The following LTBP1 variants were observed in gnomAD, a reference collection of about 807,000 sequenced individuals.
The protein encoded by LTBP1 is latent transforming growth factor beta binding protein 1, also known as latent-transforming growth factor beta-binding protein 1.
LTBP1 carries 129 observed loss-of-function variants against 207.6 expected under a neutral mutation model. The observed-to-expected ratio is 0.62, with a 90% CI of 0.54 to 0.72. The LOEUF is 0.72. Ranked by LOEUF, LTBP1 falls within the 30% of genes least tolerant of loss-of-function variation. The pLI, the probability that LTBP1 is intolerant of heterozygous loss-of-function variation, is 0.00. For missense variants in LTBP1, 2,281 were observed against 2,217.2 expected (o/e 1.03, Z -0.58); for synonymous variants, 963 against 833.7 (o/e 1.16, Z -2.67).
intron 24 of LTBP1, among the ~76,000 whole-genome samples, chr2:33,323,296 C>T (rs562612580): frequency 1.4e-4 from 22 of 152,176 alleles, no homozygotes; most frequent in South Asian, 4.1e-4. Context: ...TATGGGAACT[C>T]GAAGTACAGT....
At chr2:33,391,138 C>T (rs148601628) in intron 32 of LTBP1, among the ~76,000 whole-genome samples, 2 of 151,160 alleles carry the variant, frequency 1.3e-5, no homozygotes, top group African/African-American at 4.9e-5. Flanking sequence ...TTAAAATGTC[C>T]ATGATAAGAA....
chr2:33,259,344 G>T (rs2092949527), intron 12 of LTBP1, among the ~76,000 whole-genome samples: 1 of 152,214 alleles, frequency 6.6e-6, no homozygotes, highest in Non-Finnish European at 1.5e-5. Context: ...GAAAGAGTTT[G>T]AAAGACTTGT....
rs148113628 is a variant in LTBP1 at position 33,251,113 on chromosome 2, T to C, written c.2000-1564T>C. Among the ~76,000 whole-genome samples, 486 of 152,184 alleles carry C rather than the reference T, an allele frequency of 3.2e-3. 3 individuals are homozygous for C. Among genetic ancestry groups the C allele is most frequent in the African/African-American group, 0.011 (462 of 41,522 alleles). On this transcript the variant is annotated intron_variant, in intron 10 of 33. Transcript: ENST00000404816. ...CCCTCGGGCCCAAAGACAAACACAT[T>C]TGGCCCACCTCTGCTACTACTGGGG...
intron 19 of LTBP1, among the ~76,000 whole-genome samples, chr2:33,288,854 CAAAA>C (rs200975631): frequency 2.7e-5 from 2 of 73,056 alleles, no homozygotes; most frequent in Non-Finnish European, 5.5e-5. Flanking sequence ...GACTCTGTCT[CAAAA>C]AAAAAAAAAA....
intron 2 of LTBP1, among the ~76,000 whole-genome samples, chr2:32,999,101 A>G (rs902843440): frequency 1.3e-5 from 2 of 152,280 alleles, no homozygotes; most frequent in South Asian, 2.1e-4. Flanking sequence ...GTTGCTTCCT[A>G]AAGTTTGAGA....
intron 3 of LTBP1, among the ~76,000 whole-genome samples, chr2:33,027,110 C>T (rs989338337): frequency 6.6e-6 from 1 of 152,162 alleles, no homozygotes; most frequent in Non-Finnish European, 1.5e-5. Context: ...TATTATACCA[C>T]CAATGCTTAC....
At chr2:33,087,629 C>A (rs2078840128) in intron 3 of LTBP1, among the ~76,000 whole-genome samples, 1 of 152,184 alleles carries the variant, frequency 6.6e-6, no homozygotes, top group Non-Finnish European at 1.5e-5. Flanking sequence ...GTCCTGCCCC[C>A]AGCTTCAATC....
At chr2:33,364,459 G>A in intron 30 of LTBP1, 103 bp downstream of exon 30, 2 of 1,194,948 alleles carry the variant, frequency 1.7e-6, no homozygotes, top group African/African-American at 1.5e-5. Context: ...GGATTCCTTG[G>A]GTATTTTGAA....
In LTBP1 at chr2:33,296,621, G is replaced by T. The variant is rs552801346; in HGVS notation, c.3235+3339G>T. ...TACCACTGTCTTGCTCTTGGCTGTTGCCATCCCAGCTGAGCCTGGGAAAGA... is the reference window on the plus strand; with the variant it reads ...TACCACTGTCTTGCTCTTGGCTGTTTCCATCCCAGCTGAGCCTGGGAAAGA... On this transcript the variant is annotated intron_variant, in intron 20 of 33. Coordinates refer to ENST00000404816, the MANE Select transcript of LTBP1 (RefSeq NM_206943.4). Among the ~76,000 whole-genome samples the T allele has an allele frequency of 5.8e-4, 88 of 152,228 alleles. 3 individuals carry two copies. The South Asian group carries it at 0.017, about 29-fold the overall frequency.
intron 4 of LTBP1, among the ~76,000 whole-genome samples, chr2:33,118,489 G>T (rs966995756): frequency 3.3e-5 from 5 of 152,350 alleles, no homozygotes; most frequent in Admixed American, 6.5e-5. Context: ...CCTTGAGCCA[G>T]TTTCCCAACT....
At chr2:33,126,922 C>T (rs1213300035) in intron 4 of LTBP1, among the ~76,000 whole-genome samples, 1 of 152,158 alleles carries the variant, frequency 6.6e-6, no homozygotes, top group Non-Finnish European at 1.5e-5. Flanking sequence ...TTTAAAATGC[C>T]AATTTTCTAT....
chr2:33,330,179 C>A (rs2094477065), intron 24 of LTBP1, among the ~76,000 whole-genome samples: 1 of 151,900 alleles, frequency 6.6e-6, no homozygotes, highest in Admixed American at 6.6e-5. Context: ...TGTTTGTTAC[C>A]AGTATATAGA....
Position 33,347,324 on chromosome 2 carries a change from G to A in LTBP1, c.3857-43G>A, listed in dbSNP as rs369253631. ...AGCTGGTAAAATAGAGAGCTGTCGT[G>A]AATGAGGCACACATCTCACTTGGTC... On this transcript the variant is annotated intron_variant, in intron 25 of 33. Coordinates refer to ENST00000404816, the MANE Select transcript of LTBP1 (RefSeq NM_206943.4). 7.0e-5 allele frequency: 113 copies of A among 1,612,526 alleles called. No homozygotes were observed. The African/African-American group carries it at 1.4e-3, about 20-fold the overall frequency.
At chr2:33,351,607 C>T (rs2094782807) in intron 26 of LTBP1, among the ~76,000 whole-genome samples, 1 of 152,200 alleles carries the variant, frequency 6.6e-6, no homozygotes, top group African/African-American at 2.4e-5. Flanking sequence ...TTCCATTTGA[C>T]CTTCAGTGCA....
At chr2:33,396,755 A>C (rs528106377) in intron 32 of LTBP1, among the ~76,000 whole-genome samples, 1 of 152,366 alleles carries the variant, frequency 6.6e-6, no homozygotes, top group African/African-American at 2.4e-5. Context: ...AGACTCCGAT[A>C]GTGAATTCTG....
chr2:33,398,632 A>G lies in LTBP1; in HGVS notation c.*87A>G. 4 of 1,293,724 alleles carry G rather than the reference A, an allele frequency of 3.1e-6. No homozygotes were observed. The South Asian group carries it at 6.4e-5, about 21-fold the overall frequency. The allele number at this position is 1,293,724 out of a possible 1,614,324, so 80.1% of individuals were successfully genotyped here. ...GTATTATACTTGAGACATTGCACCT[A>G]CCCCGGAAGGCTGGAAATACAGAAA... On this transcript the variant is annotated 3_prime_UTR_variant, in exon 34 of 34. Coordinates refer to ENST00000404816, the MANE Select transcript of LTBP1 (RefSeq NM_206943.4).
intron 5 of LTBP1, among the ~76,000 whole-genome samples, chr2:33,179,002 C>G (rs939016977): frequency 6.6e-6 from 1 of 152,120 alleles, no homozygotes; most frequent in African/African-American, 2.4e-5. Context: ...TGGCCTCCTA[C>G]AGTGCTGGGA....
intron 3 of LTBP1, among the ~76,000 whole-genome samples, chr2:33,049,540 A>G (rs889401411): frequency 2.0e-5 from 3 of 152,244 alleles, no homozygotes; most frequent in African/African-American, 7.2e-5. Flanking sequence ...AGATTAAAAA[A>G]ATGAAACCCA....
At chr2:32,983,657 G>C (rs1347565784) in intron 2 of LTBP1, among the ~76,000 whole-genome samples, 2 of 152,208 alleles carry the variant, frequency 1.3e-5, no homozygotes, top group African/African-American at 4.8e-5. Context: ...CTGTTCTCGT[G>C]ATAGTGAATA....
Sources: gnomAD v4.1 joint callset for allele counts (sites outside exome capture counted in the v4.1 genomes callset) on GRCh38, gnomAD v4.1.1 for gene constraint, MANE v1.5 for transcripts, NCBI Gene and HGNC (gene_info 2026-07-23, HGNC 2026-07-21) for gene names.